Variants in PIK3C2G observed in about 807,000 individuals in gnomAD.
The protein encoded by PIK3C2G is phosphatidylinositol 3-kinase C2 domain-containing subunit gamma.
PIK3C2G carries 168 observed loss-of-function variants against 181.1 expected under a neutral mutation model. The ratio of observed to expected loss-of-function variants is 0.93; its 90% CI spans 0.82 to 1.05. PIK3C2G has a LOEUF of 1.05. Among genes scored for constraint, PIK3C2G ranks in the 50% least tolerant of loss-of-function variants. The pLI is 0.00. For synonymous variants in PIK3C2G, 573 were observed against 592.2 expected (o/e 0.97, Z 0.47); for missense variants, 1,869 against 1,732.8 (o/e 1.08, Z -1.40).
At chr12:18,563,664 T>A (rs925211704) in intron 28 of PIK3C2G, among the ~76,000 whole-genome samples, 166 bp downstream of exon 28, 3 of 152,210 alleles carry the variant, frequency 2.0e-5, no homozygotes, top group Non-Finnish European at 2.9e-5. Flanking sequence ...GAGTGAAGAA[T>A]CTTTTGTCTC....
chr12:18,427,990 G>A (rs1034540638), intron 18 of PIK3C2G, among the ~76,000 whole-genome samples: 6 of 152,026 alleles, frequency 3.9e-5, no homozygotes, highest in Non-Finnish European at 7.3e-5. Flanking sequence ...GTAAACATGT[G>A]TCATGGGGAT....
chr12:18,433,062 C>G (rs1164691128), intron 18 of PIK3C2G, among the ~76,000 whole-genome samples: 3 of 151,670 alleles, frequency 2.0e-5, no homozygotes, highest in African/African-American at 7.3e-5. Context: ...AAATTGTTGC[C>G]CCTAGTTGTT....
chr12:18,720,022 C>T, the PIK3C2G span, among the ~76,000 whole-genome samples: 2 of 152,084 alleles, frequency 1.3e-5, no homozygotes, highest in African/African-American at 4.8e-5. Context: ...TCACTCACCA[C>T]ACCCAAGTAT....
At chr12:18,456,565 T>C (rs568399415) in intron 18 of PIK3C2G, among the ~76,000 whole-genome samples, 3 of 152,268 alleles carry the variant, frequency 2.0e-5, no homozygotes, top group African/African-American at 7.2e-5. Flanking sequence ...CCCAACCTAA[T>C]CTTTTATTAT....
intron 26 of PIK3C2G, among the ~76,000 whole-genome samples, chr12:18,554,185 A>T (rs548265363): frequency 6.6e-6 from 1 of 152,178 alleles, no homozygotes; most frequent in African/African-American, 2.4e-5. Flanking sequence ...TATTTCTTGC[A>T]TAATGAGCGC....
intron 26 of PIK3C2G, among the ~76,000 whole-genome samples, chr12:18,552,160 C>T (rs1944767656): frequency 6.6e-6 from 1 of 152,062 alleles, no homozygotes; most frequent in African/African-American, 2.4e-5. Flanking sequence ...ACCTGGCCTC[C>T]ACATCATGGA....
the PIK3C2G span, among the ~76,000 whole-genome samples, chr12:18,692,060 A>T: frequency 6.6e-6 from 1 of 152,142 alleles, no homozygotes; most frequent in African/African-American, 2.4e-5. Flanking sequence ...TGAGCCAGGA[A>T]AAGTCGCAGG....
chr12:18,502,688 C>A (rs748272200), intron 22 of PIK3C2G, among the ~76,000 whole-genome samples: 3 of 152,094 alleles, frequency 2.0e-5, no homozygotes, highest in Non-Finnish European at 2.9e-5. Flanking sequence ...GAAGTTCAAT[C>A]AATATATGCT....
chr12:18,626,257 A>G (rs1433149437), intron 31 of PIK3C2G, among the ~76,000 whole-genome samples: 2 of 151,944 alleles, frequency 1.3e-5, no homozygotes, highest in African/African-American at 2.4e-5. Flanking sequence ...ACAACAGTCT[A>G]TTTCAAGCCA....
At chr12:18,614,298 T>C (rs991195538) in intron 31 of PIK3C2G, among the ~76,000 whole-genome samples, 1 of 152,142 alleles carries the variant, frequency 6.6e-6, no homozygotes, top group Non-Finnish European at 1.5e-5. Flanking sequence ...TATTCTACTG[T>C]GTTTCATGAC....
chr12:18,466,911 C>A (rs1937943974), intron 18 of PIK3C2G, among the ~76,000 whole-genome samples: 1 of 151,906 alleles, frequency 6.6e-6, no homozygotes, highest in African/African-American at 2.4e-5. Context: ...CTTCTTTTTT[C>A]ACTTGGAATG....
upstream of PIK3C2G, among the ~76,000 whole-genome samples, chr12:18,246,181 G>A (rs1948038176): frequency 6.6e-6 from 1 of 152,108 alleles, no homozygotes; most frequent in Non-Finnish European, 1.5e-5. Flanking sequence ...GAAGGCCAGA[G>A]AAAATCCTTA....
At chr12:18,544,796 G>A (rs1944337269) in intron 25 of PIK3C2G, among the ~76,000 whole-genome samples, 1 of 151,780 alleles carries the variant, frequency 6.6e-6, no homozygotes, top group Non-Finnish European at 1.5e-5. Context: ...CATCTCCTTG[G>A]TTTCAATTAT....
intron 24 of PIK3C2G, among the ~76,000 whole-genome samples, chr12:18,513,205 T>C (rs1174165074): frequency 4.0e-5 from 6 of 151,886 alleles, no homozygotes; most frequent in East Asian, 1.9e-4. Flanking sequence ...TAATAATATT[T>C]TCTTGAGTAT....
At chr12:18,415,211 A>G (rs991574770) in intron 16 of PIK3C2G, among the ~76,000 whole-genome samples, 1 of 152,192 alleles carries the variant, frequency 6.6e-6, no homozygotes, top group African/African-American at 2.4e-5. Flanking sequence ...CCTTGAGTCA[A>G]GAAAATCTAT....
chr12:18,438,062 G>C (rs550081095), intron 18 of PIK3C2G, among the ~76,000 whole-genome samples: 1 of 151,926 alleles, frequency 6.6e-6, no homozygotes, highest in Non-Finnish European at 1.5e-5. Context: ...AAGTATTCTA[G>C]CTATTTCAGG....
At chr12:18,559,483 A>G (rs2136319016) in intron 26 of PIK3C2G, among the ~76,000 whole-genome samples, 1 of 152,150 alleles carries the variant, frequency 6.6e-6, no homozygotes, top group African/African-American at 2.4e-5. Context: ...TTGGAAGCTG[A>G]GCAGGCTAAT....
rs1181664735 is a variant in PIK3C2G at position 18,624,394 on chromosome 12, G to T, written c.4182+14765G>T. Reference sequence around the variant, plus strand: ...CAGGGATAAATCCCACTTGTTCGTCGTCAATGATCCTTTTAATGTGTTATT... The same window carrying T: ...CAGGGATAAATCCCACTTGTTCGTCTTCAATGATCCTTTTAATGTGTTATT... On this transcript the variant is annotated intron_variant, in intron 31 of 32. Coordinates refer to ENST00000538779, the MANE Select transcript of PIK3C2G (RefSeq NM_001288772.2). Among the ~76,000 whole-genome samples, 7 of 151,632 alleles carry T rather than the reference G, an allele frequency of 4.6e-5. No homozygotes were observed. In the East Asian group the frequency reaches 1.3e-3, roughly 29 times the overall value.
intron 30 of PIK3C2G, among the ~76,000 whole-genome samples, chr12:18,608,638 CATGGCACATGTATAT>C (rs1357625231): frequency 6.6e-6 from 1 of 151,938 alleles, no homozygotes; most frequent in Non-Finnish European, 1.5e-5. Flanking sequence ...AGCACACCAA[CATGGCACATGTATAT>C]ATATGTAACA....
Sources: allele counts gnomAD v4.1 joint callset (sites outside exome capture counted in the v4.1 genomes callset), GRCh38; gene constraint gnomAD v4.1.1; transcripts MANE v1.5; gene names NCBI Gene and HGNC (gene_info 2026-07-23, HGNC 2026-07-21).